Variants in SLC5A12 observed in about 807,000 individuals in gnomAD.
SLC5A12 encodes the protein solute carrier family 5 member 12.
Under a neutral mutation model 72.7 loss-of-function variants are expected in SLC5A12, and 46 were observed. That is an observed-to-expected ratio of 0.63 (90% CI 0.50 to 0.81). SLC5A12 has a LOEUF of 0.81. SLC5A12 is among the 30% of genes least tolerant of loss of function. SLC5A12 has a pLI of 0.00. For synonymous variants in SLC5A12, 275 were observed against 264.4 expected, an observed-to-expected ratio of 1.04 and a Z score of -0.39; for missense variants, 683 against 740.7, an observed-to-expected ratio of 0.92 and a Z score of 0.90.
intron 7 of SLC5A12, 88 bp from the exon 8 acceptor site, chr11:26,697,340 G>T: frequency 8.7e-7 from 1 of 1,147,850 alleles, no homozygotes; most frequent in Non-Finnish European, 1.2e-6. Flanking sequence ...TAGGATTAGT[G>T]GTCTTCTCAT....
chr11:26,704,998 T>C (rs1855050442), intron 4 of SLC5A12, among the ~76,000 whole-genome samples: 1 of 152,044 alleles, frequency 6.6e-6, no homozygotes, highest in Admixed American at 6.6e-5. Context: ...ATGAATCTAA[T>C]AGTAAAATTT....
chr11:26,716,193 T>C (rs1211932671), intron 1 of SLC5A12: 2 of 151,952 alleles, frequency 1.3e-5, no homozygotes, highest in Non-Finnish European at 2.9e-5. Flanking sequence ...AAATCAATGG[T>C]TTTCGCATTT....
intron 4 of SLC5A12, among the ~76,000 whole-genome samples, chr11:26,705,151 G>A (rs976896526): frequency 6.6e-6 from 1 of 151,972 alleles, no homozygotes; most frequent in Admixed American, 6.6e-5. Flanking sequence ...ATTAATTAAG[G>A]TCTGGATTGG....
chr11:26,706,573 G>C (rs1461408555), intron 4 of SLC5A12, among the ~76,000 whole-genome samples: 1 of 151,682 alleles, frequency 6.6e-6, no homozygotes, highest in African/African-American at 2.4e-5. Context: ...TGAATTGAGG[G>C]TTGCTTTTTC....
At chr11:26,676,359 CAAAAAAAA>C (rs57064388) in intron 13 of SLC5A12, among the ~76,000 whole-genome samples, 13,900 of 108,842 alleles carry the variant, frequency 0.13, 921 homozygotes, top group African/African-American at 0.25. Flanking sequence ...TTCTAGAAAA[CAAAAAAAA>C]AAAAAAAAAA....
At chr11:26,702,974 CCAAT>C (rs897576964) in intron 6 of SLC5A12, among the ~76,000 whole-genome samples, 2 of 152,132 alleles carry the variant, frequency 1.3e-5, no homozygotes, top group Non-Finnish European at 2.9e-5. Context: ...ACAGCTGTAA[CCAAT>C]CAAATACTTG....
At chr11:26,710,658 C>T (rs947378653) in intron 3 of SLC5A12, among the ~76,000 whole-genome samples, 1 of 151,912 alleles carries the variant, frequency 6.6e-6, no homozygotes, top group African/African-American at 2.4e-5. Flanking sequence ...GATTATATAT[C>T]ATAAAATCAG....
chr11:26,673,293 C>T, intron 14 of SLC5A12, 109 bp downstream of exon 14: 2 of 1,218,066 alleles, frequency 1.6e-6, no homozygotes, highest in Non-Finnish European at 2.2e-6. Context: ...CAAGTTCTCA[C>T]ACTCACTGCT....
In SLC5A12 at chr11:26,669,358, G is replaced by A. The variant is rs970277272; in HGVS notation, c.*1744C>T. The A allele has an allele frequency of 2.6e-5, 4 of 151,306 alleles. No homozygotes were observed. The highest frequency in any genetic ancestry group is 5.9e-5 in the Non-Finnish European group (4 of 67,850). The allele number at this position is 151,306 out of a possible 1,614,324, so 9.4% of individuals were successfully genotyped here. A position where few individuals can be genotyped will look rare whatever the true frequency, so the allele number is the denominator to read the frequency against. On this transcript the variant is annotated 3_prime_UTR_variant, in exon 15 of 15. Transcript: ENST00000396005. ...GTCACAAATCATTTGGAAAATAATT[G>A]CACCTCTCAATTTGCAAATCCTTAG...
At chr11:26,715,089 C>T (rs557832348) in intron 1 of SLC5A12, among the ~76,000 whole-genome samples, 2 of 152,134 alleles carry the variant, frequency 1.3e-5, no homozygotes, top group Non-Finnish European at 2.9e-5. Flanking sequence ...AGACTATTTT[C>T]TGCCACTAAG....
In SLC5A12 at chr11:26,720,557, CT is replaced by C. The variant is rs1855455704; in HGVS notation, c.339+818del. 6.6e-5 allele frequency among the ~76,000 whole-genome samples: 10 copies of C among 151,800 alleles called. No individual in the cohort carries two copies. The South Asian group carries it at 2.1e-3, about 32-fold the overall frequency. ...AGAATAATGTTTTATACTCATATAG[CT>C]TACATATTTAAAAAAAAATAGGTCT... On this transcript the variant is annotated intron_variant, in intron 1 of 14. Coordinates refer to ENST00000396005, the MANE Select transcript of SLC5A12 (RefSeq NM_178498.4).
In SLC5A12 at chr11:26,667,580, T is replaced by A. The variant is rs998621286; in HGVS notation, c.*3522A>T. ...GTCATAGTTGCTTTGAACTGTGCAA[T>A]GAGTAATAAACTTGGGTTGAGATGC... On this transcript the variant is annotated 3_prime_UTR_variant, in exon 15 of 15. Transcript: ENST00000396005. 5 of 151,966 alleles carry A rather than the reference T, an allele frequency of 3.3e-5. No individual in the cohort carries two copies. Among genetic ancestry groups the A allele is most frequent in the African/African-American group, 1.2e-4 (5 of 41,426 alleles). The allele number at this position is 151,966 out of a possible 1,614,324, so 9.4% of individuals were successfully genotyped here. A position where few individuals can be genotyped will look rare whatever the true frequency, so the allele number is the denominator to read the frequency against.
At position 26,697,194 on chromosome 11, in the gene SLC5A12, A is replaced by G. The variant is rs1451917499; in HGVS notation, c.1010T>C (p.Phe337Ser). The stretch of plus-strand genomic sequence containing the variant: ...AGTTCCACTGAAGGCACAAGCCACA[A>G]AAAGTCCTGGCAGTCCTGGCATTGT... Reference protein sequence around the residue: ...FATMPGLPGLFVACAFSGTLS... With the variant: ...FATMPGLPGLSVACAFSGTLS... Residue 337 changes from phenylalanine to serine, a missense_variant, in exon 8 of 15, where the codon TTT becomes TCT. By Grantham distance (155) the Phe-to-Ser change is radical (BLOSUM62 -2). Transcript: ENST00000396005. 5 of 1,614,014 alleles carry G rather than the reference A, an allele frequency of 3.1e-6. No individual in the cohort carries two copies. The Admixed American group carries it at 5.0e-5, about 16-fold the overall frequency.
At chr11:26,672,300 G>T (rs971065588) in intron 14 of SLC5A12, among the ~76,000 whole-genome samples, 1 of 152,048 alleles carries the variant, frequency 6.6e-6, no homozygotes, top group Non-Finnish European at 1.5e-5. Context: ...CCATGATATG[G>T]GTTAGGCTTC....
chr11:26,690,785 ACT>A lies in SLC5A12; in HGVS notation c.1153+1702_1153+1703del, dbSNP rs778648775. Among the ~76,000 whole-genome samples, 537 of 148,486 alleles carry A rather than the reference ACT, an allele frequency of 3.6e-3. 1 individual carries two copies. The highest frequency in any genetic ancestry group is 4.7e-3 in the Non-Finnish European group (315 of 67,574). ...TCATGCCATGGCCAACAAGAGTGAAACTCTGTCTCAAAAAAAAAAAAATTTAG... is the reference window on the plus strand; with the variant it reads ...TCATGCCATGGCCAACAAGAGTGAAACTGTCTCAAAAAAAAAAAAATTTAG... On this transcript the variant is annotated intron_variant, in intron 9 of 14. Coordinates refer to ENST00000396005, the MANE Select transcript of SLC5A12 (RefSeq NM_178498.4).
At chr11:26,717,699 C>T (rs1019022285) in intron 1 of SLC5A12, among the ~76,000 whole-genome samples, 7 of 152,170 alleles carry the variant, frequency 4.6e-5, no homozygotes, top group African/African-American at 1.2e-4. Flanking sequence ...TATTATTTCT[C>T]ATAACTCTGA....
In SLC5A12 at chr11:26,669,168, TTTC is replaced by T. The variant is rs1854070918; in HGVS notation, c.*1931_*1933del. ...GTCTCTCTCTTCCTCTTCCTGTCTT[TTTC>T]TTTCTTTCTTTCTTCTTTTCTTTCT... On this transcript the variant is annotated 3_prime_UTR_variant, in exon 15 of 15. Coordinates refer to ENST00000396005, the MANE Select transcript of SLC5A12 (RefSeq NM_178498.4). The T allele has an allele frequency of 6.9e-6, 1 of 144,034 alleles. No individual in the cohort carries two copies. Among genetic ancestry groups the T allele is most frequent in the African/African-American group, 2.5e-5 (1 of 39,548 alleles). The allele number at this position is 144,034 out of a possible 1,614,324, so 8.9% of individuals were successfully genotyped here. A position where few individuals can be genotyped will look rare whatever the true frequency, so the allele number is the denominator to read the frequency against.
intron 3 of SLC5A12, 68 bp downstream of exon 3, chr11:26,711,239 T>C: frequency 1.5e-6 from 2 of 1,296,616 alleles, no homozygotes; most frequent in Admixed American, 1.8e-5. Context: ...ATTTTATTTC[T>C]AATTCTGCAA....
Position 26,678,782 on chromosome 11 carries a change from G to A in SLC5A12, c.1509C>T (p.Ser503=). ...AGCCCACTGCACTGTAGTAAAGGTA[G>A]GAGATCGAGTACCAGGTATCAGCTA... ...PGIADTWYSI[S]YLYYSAVGCL... is the part of the protein sequence containing the mutation. Residue 503 remains serine (S), a synonymous_variant, in exon 13 of 15, where the codon TCC becomes TCT. Coordinates refer to ENST00000396005, the MANE Select transcript of SLC5A12 (RefSeq NM_178498.4). The A allele has an allele frequency of 6.2e-7, 1 of 1,613,218 alleles. No individual in the cohort carries two copies. The highest frequency in any genetic ancestry group is 1.3e-5 in the African/African-American group (1 of 74,940).
Sources: allele counts gnomAD v4.1 joint callset (sites outside exome capture counted in the v4.1 genomes callset), GRCh38; gene constraint gnomAD v4.1.1; transcripts MANE v1.5; gene names NCBI Gene and HGNC (gene_info 2026-07-23, HGNC 2026-07-21).